CAMTA1: variants seen among roughly 807,000 people sequenced by gnomAD.
The protein encoded by CAMTA1 is calmodulin binding transcription activator 1, also known as calmodulin-binding transcription activator 1.
A neutral mutation model predicts 170.9 loss-of-function variants in CAMTA1; 27 were observed. That is an observed-to-expected ratio of 0.16 (90% confidence interval 0.12 to 0.22). The LOEUF (loss-of-function observed/expected upper bound fraction) is 0.22. Ranked by LOEUF, CAMTA1 falls within the 10% of genes least tolerant of loss-of-function variation. CAMTA1 has a pLI of 1.00. For synonymous variants in CAMTA1, 833 were observed against 891.5 expected (o/e 0.93, Z 1.17); for missense variants, 1,619 against 2,217.2 (o/e 0.73, Z 5.42).
intron 6 of CAMTA1, among the ~76,000 whole-genome samples, chr1:7,527,824 A>G (rs1051666454): frequency 5.3e-5 from 8 of 152,156 alleles, no homozygotes; most frequent in Non-Finnish European, 8.8e-5. Flanking sequence ...GACCTCACAA[A>G]TTCAGCCTGT....
chr1:7,155,102 C>CAG (rs1478974589), intron 4 of CAMTA1, among the ~76,000 whole-genome samples: 1 of 152,148 alleles, frequency 6.6e-6, no homozygotes, highest in East Asian at 1.9e-4. Context: ...TGAGAGGCTA[C>CAG]AGAGGCACGG....
intron 3 of CAMTA1, among the ~76,000 whole-genome samples, chr1:6,866,375 G>C (rs1359758006): frequency 6.6e-6 from 1 of 152,194 alleles, no homozygotes; most frequent in Non-Finnish European, 1.5e-5. Flanking sequence ...TGATGATCCA[G>C]ACTGCCCTAC....
At chr1:7,457,900 A>G (rs2092997233) in intron 5 of CAMTA1, among the ~76,000 whole-genome samples, 1 of 151,906 alleles carries the variant, frequency 6.6e-6, no homozygotes, top group African/African-American at 2.4e-5. Flanking sequence ...CCTTCCGCGG[A>G]GCTCCGGCCG....
chr1:7,462,534 C>G (rs532629506), intron 5 of CAMTA1, among the ~76,000 whole-genome samples: 2 of 152,188 alleles, frequency 1.3e-5, no homozygotes, highest in African/African-American at 4.8e-5. Flanking sequence ...GGATTACAGG[C>G]AGGAACCACC....
rs997317904 is a variant in CAMTA1, at chr1:7,407,072, C to T, written c.439-60758C>T. On this transcript the variant is annotated intron_variant, in intron 5 of 22. Coordinates refer to ENST00000303635, the MANE Select transcript of CAMTA1 (RefSeq NM_015215.4). ...TGCACTTAGTGCGAGAGACATCAGG[C>T]GGCTGCTGAACACTGCTCGATTCAT... Among the ~76,000 whole-genome samples the T allele has an allele frequency of 2.0e-5, 3 of 152,202 alleles. No individual in the cohort carries two copies. Among genetic ancestry groups the T allele is most frequent in the Admixed American group, 6.5e-5 (1 of 15,284 alleles).
chr1:7,710,845 A>G (rs1179672152), intron 11 of CAMTA1, among the ~76,000 whole-genome samples: 2 of 152,112 alleles, frequency 1.3e-5, no homozygotes, highest in African/African-American at 2.4e-5. Flanking sequence ...AGATGTCTCC[A>G]GGAAGACAGC....
At chr1:6,877,778 C>CCT (rs1275003461) in intron 3 of CAMTA1, among the ~76,000 whole-genome samples, 2 of 151,946 alleles carry the variant, frequency 1.3e-5, no homozygotes, top group Admixed American at 6.5e-5. Context: ...GTACTTTATA[C>CCT]CTCTAAGCCT....
intron 11 of CAMTA1, among the ~76,000 whole-genome samples, chr1:7,720,939 C>G (rs2096645692): frequency 6.6e-6 from 1 of 152,192 alleles, no homozygotes; most frequent in African/African-American, 2.4e-5. Flanking sequence ...GATAAAGCTG[C>G]TCACTGGTAT....
At chr1:7,705,396 G>A (rs1042495667) in intron 11 of CAMTA1, among the ~76,000 whole-genome samples, 1 of 151,312 alleles carries the variant, frequency 6.6e-6, no homozygotes, top group South Asian at 2.1e-4. Flanking sequence ...GGGCGTGTGC[G>A]GCGGGTGTGA....
chr1:7,545,957 C>CTTT (rs70987353), intron 6 of CAMTA1, among the ~76,000 whole-genome samples: 1 of 131,516 alleles, frequency 7.6e-6, no homozygotes. Flanking sequence ...CTTTTCTTTT[C>CTTT]TTTTTTTTTT....
intron 3 of CAMTA1, among the ~76,000 whole-genome samples, chr1:6,839,680 T>C (rs1654877704): frequency 6.6e-6 from 1 of 152,088 alleles, no homozygotes; most frequent in African/African-American, 2.4e-5. Flanking sequence ...GAAGTTATAT[T>C]TGAGCTGAGA....
At position 7,587,008 on chromosome 1, in the gene CAMTA1, C is replaced by T. The variant is rs1359387188; in HGVS notation, c.511-53392C>T. 3.3e-5 allele frequency among the ~76,000 whole-genome samples: 5 copies of T among 151,930 alleles called. 1 individual carries two copies. Among genetic ancestry groups the T allele is most frequent in the Non-Finnish European group, 7.4e-5 (5 of 67,982 alleles). On this transcript the variant is annotated intron_variant, in intron 6 of 22. Transcript: ENST00000303635. Reference sequence around the variant, plus strand: ...AGGGGTCTGTGATGTCCCCAACCACCCCCGCCCCCATGACCACCTGCACCC... The same window carrying T: ...AGGGGTCTGTGATGTCCCCAACCACTCCCGCCCCCATGACCACCTGCACCC...
intron 3 of CAMTA1, among the ~76,000 whole-genome samples, chr1:7,053,705 C>T (rs1201109690): frequency 6.6e-6 from 1 of 152,194 alleles, no homozygotes; most frequent in African/African-American, 2.4e-5. Flanking sequence ...GCTGGTCTTG[C>T]CTGCAATGCC....
intron 3 of CAMTA1, among the ~76,000 whole-genome samples, chr1:6,856,730 A>C (rs566426030): frequency 6.6e-6 from 1 of 152,204 alleles, no homozygotes; most frequent in Non-Finnish European, 1.5e-5. Context: ...AGAGAGGACA[A>C]TGTAATTCAG....
At chr1:7,316,611 C>T (rs17030707) in intron 5 of CAMTA1, among the ~76,000 whole-genome samples, 17,846 of 152,080 alleles carry the variant, frequency 0.12, 1,209 homozygotes, top group African/African-American at 0.18. Flanking sequence ...CAATTCTGTT[C>T]GTTCATTTAG....
chr1:7,006,721 G>C (rs777001941), intron 3 of CAMTA1, among the ~76,000 whole-genome samples: 1 of 152,062 alleles, frequency 6.6e-6, no homozygotes, highest in Non-Finnish European at 1.5e-5. Flanking sequence ...CCACCTGACC[G>C]GTCACAGCTC....
intron 5 of CAMTA1, among the ~76,000 whole-genome samples, chr1:7,301,937 G>A (rs767183796): frequency 1.2e-4 from 18 of 152,242 alleles, no homozygotes; most frequent in South Asian, 6.2e-4. Context: ...TCCAGCACAC[G>A]GAATTGATGA....
Position 7,682,606 on chromosome 1 carries a change from A to G in CAMTA1, c.2914+4873A>G, listed in dbSNP as rs1361917052. Among the ~76,000 whole-genome samples, 1 of 152,110 alleles carries G rather than the reference A, an allele frequency of 6.6e-6. No homozygotes were observed. Among genetic ancestry groups the G allele is most frequent in the Non-Finnish European group, 1.5e-5 (1 of 68,024 alleles). On this transcript the variant is annotated intron_variant, in intron 11 of 22. Transcript: ENST00000303635. The surrounding 1 kb of genome is among the most constrained non-coding windows in gnomAD (Gnocchi z 5.0). ...TGGGCTGATTCTAGTACCAGCCTCC[A>G]CCCACCAGAGCTGGGAGATCACACA...
chr1:7,103,500 A>G (rs1643028202), intron 4 of CAMTA1, among the ~76,000 whole-genome samples: 1 of 150,478 alleles, frequency 6.6e-6, no homozygotes, highest in Non-Finnish European at 1.5e-5. Flanking sequence ...CACACAACAC[A>G]GATACACACT....
Sources: gnomAD v4.1 joint callset for allele counts (sites outside exome capture counted in the v4.1 genomes callset) on GRCh38, gnomAD v4.1.1 for gene constraint, Gnocchi (gnomAD v3.1) non-coding constraint, MANE v1.5 for transcripts, NCBI Gene and HGNC (gene_info 2026-07-23, HGNC 2026-07-21) for gene names.